Variants in PRR3 observed in about 807,000 individuals in gnomAD.
The protein encoded by PRR3 is proline-rich protein 3.
A neutral mutation model predicts 22.4 loss-of-function variants in PRR3; 16 were observed. The ratio of observed to expected loss-of-function variants is 0.71; its 90% CI spans 0.48 to 1.09. The LOEUF is 1.09. Ranked by LOEUF, PRR3 falls within the 50% of genes least tolerant of loss-of-function variation. PRR3 has a pLI of 0.00. For synonymous variants in PRR3, 87 were observed against 88.6 expected, an observed-to-expected ratio of 0.98 and a Z score of 0.10; for missense variants, 224 against 243.4, an observed-to-expected ratio of 0.92 and a Z score of 0.53.
rs1800641242 is a variant in PRR3, at chr6:30,561,739, GTTC to G, written c.170-91_170-89del. On this transcript the variant is annotated intron_variant, in intron 2 of 3. Coordinates refer to ENST00000376560, the MANE Select transcript of PRR3 (RefSeq NM_025263.4). The surrounding 1 kb of genome is among the most constrained non-coding windows in gnomAD (Gnocchi z 4.0). The stretch of plus-strand genomic sequence containing the variant: ...AAACTGGTGTGTCTTTATGTATGCT[GTTC>G]TTCAATAAAAAAAATTTTTTTAATC... 1 of 1,173,352 alleles carries G rather than the reference GTTC, an allele frequency of 8.5e-7. No individual in the cohort carries two copies. The highest frequency in any genetic ancestry group is 1.2e-6 in the Non-Finnish European group (1 of 856,006). The allele number at this position is 1,173,352 out of a possible 1,614,324, so 72.7% of individuals were successfully genotyped here.
In PRR3 at chr6:30,561,747, A is replaced by C; in HGVS notation, c.170-87A>C. 2 of 1,317,226 alleles carry C rather than the reference A, an allele frequency of 1.5e-6. No individual in the cohort carries two copies. The highest frequency in any genetic ancestry group is 2.0e-6 in the Non-Finnish European group (2 of 984,788). The allele number at this position is 1,317,226 out of a possible 1,614,324, so 81.6% of individuals were successfully genotyped here. A position where few individuals can be genotyped will look rare whatever the true frequency, so the allele number is the denominator to read the frequency against. ...GTGTCTTTATGTATGCTGTTCTTCA[A>C]TAAAAAAAATTTTTTTAATCACGGT... On this transcript the variant is annotated intron_variant, in intron 2 of 3. Coordinates refer to ENST00000376560, the MANE Select transcript of PRR3 (RefSeq NM_025263.4). This position sits in a 1 kb window ranked among gnomAD's most constrained non-coding sequence, Gnocchi z 4.0.
At chr6:30,558,334 A>T in intron 2 of PRR3, 122 bp downstream of exon 2, 1 of 768,600 alleles carries the variant, frequency 1.3e-6, no homozygotes, top group Non-Finnish European at 2.2e-6. Flanking sequence ...ATGAATGGAG[A>T]GAAGTTGTAT....
In PRR3 at chr6:30,561,890, C is replaced by T; in HGVS notation, c.226C>T (p.Leu76Phe). 1 of 1,606,306 alleles carries T rather than the reference C, an allele frequency of 6.2e-7. No individual in the cohort carries two copies. The highest frequency in any genetic ancestry group is 8.5e-7 in the Non-Finnish European group (1 of 1,176,866). ...RGPLIPPLLS[L>F]PPPPWGRGPI... ...ACCACTGATTCCACCACTGCTGAGT[C>T]TCCCACCTCCTCCTTGGGGTAGAGG... The change falls in exon 3 of 4, where the codon CTC becomes TTC. Residue 76 changes from leucine (L) to phenylalanine (F), a missense_variant. Coordinates refer to ENST00000376560, the MANE Select transcript of PRR3 (RefSeq NM_025263.4). This position sits in a 1 kb window ranked among gnomAD's most constrained non-coding sequence, Gnocchi z 4.0.
In PRR3 at chr6:30,557,420, A is replaced by G. The variant is rs1159787113; in HGVS notation, c.76A>G (p.Thr26Ala). The change falls in exon 1 of 4, where the codon ACT (threonine) becomes GCT (alanine). Residue 26 changes from threonine to alanine, a missense_variant. Transcript: ENST00000376560. ...QQPPLPEREETGDEEDGSPIG... is the reference protein window; with the variant it reads ...QQPPLPEREEAGDEEDGSPIG... ...GCCCCCGCTGCCCGAGCGGGAAGAG[A>G]CTGGAGATGAGGAGGATGGGAGTCC... 2 of 1,612,016 alleles carry G rather than the reference A, an allele frequency of 1.2e-6. No homozygotes were observed. The highest frequency in any genetic ancestry group is 1.6e-4 in the Middle Eastern group (1 of 6,084).
rs1409858513 is a variant in PRR3, at chr6:30,561,430, C to T, written c.170-404C>T. The T allele has an allele frequency of 8.2e-6, 4 of 485,192 alleles. No homozygotes were observed. In the East Asian group the frequency reaches 2.4e-4, roughly 29 times the overall value. The allele number at this position is 485,192 out of a possible 1,614,324, so 30.1% of individuals were successfully genotyped here. A position where few individuals can be genotyped will look rare whatever the true frequency, so the allele number is the denominator to read the frequency against. On this transcript the variant is annotated intron_variant, in intron 2 of 3. Coordinates refer to ENST00000376560, the MANE Select transcript of PRR3 (RefSeq NM_025263.4). This position sits in a 1 kb window ranked among gnomAD's most constrained non-coding sequence, Gnocchi z 4.0. ...CTACACTGCAACGAAAATGAATGAA[C>T]TGCTGCTACAGGCAACCTGGATGAA...
rs1800748247 is a variant in PRR3 at position 30,563,029 on chromosome 6, A to G, written c.*534A>G. 6.6e-6 allele frequency: 1 copy of G among 151,646 alleles called. No homozygotes were observed. Among genetic ancestry groups the G allele is most frequent in the Non-Finnish European group, 1.5e-5 (1 of 67,998 alleles). 9.4% of individuals were successfully genotyped at this position (151,646 alleles called of 1,614,324 possible). ...GTGCAGAGTTACTTCCTAAAAGGCC[A>G]CTCTCCCTGCCTTTGGATTTCATAG... On this transcript the variant is annotated 3_prime_UTR_variant, in exon 4 of 4. Transcript: ENST00000376560.
chr6:30,559,076 G>A (rs1020099141), intron 2 of PRR3, among the ~76,000 whole-genome samples: 4 of 152,286 alleles, frequency 2.6e-5, no homozygotes, highest in Admixed American at 1.3e-4. Context: ...ATTGAACTCC[G>A]TTAGAAAATA....
rs148551229 is a variant in PRR3, at chr6:30,559,612, A to C, written c.169+1400A>C. On this transcript the variant is annotated intron_variant, in intron 2 of 3. Transcript: ENST00000376560. ...AAATGAACAAGTACTCAATATCATT[A>C]ATTGTCAAGTAAATGCAAGATAAAA... Among the ~76,000 whole-genome samples the C allele has an allele frequency of 4.3e-3, 654 of 152,314 alleles. 5 individuals carry two copies. The highest frequency in any genetic ancestry group is 0.015 in the African/African-American group (638 of 41,562).
At position 30,558,165 on chromosome 6, in the gene PRR3, T is replaced by G. The variant is rs1800384975; in HGVS notation, c.122T>G (p.Leu41Arg). The change falls in exon 2 of 4, where the codon CTG becomes CGG. Residue 41 changes from leucine (L) to arginine (R), a missense_variant. Coordinates refer to ENST00000376560, the MANE Select transcript of PRR3 (RefSeq NM_025263.4). Reference sequence around the variant, plus strand: ...CTGCTCTTAGGACCACCCAGCCTTCTGGGCCCTCCCCCCATGGCCAATGGA... The same window carrying G: ...CTGCTCTTAGGACCACCCAGCCTTCGGGGCCCTCCCCCCATGGCCAATGGA... ...DGSPIGPPSL[L>R]GPPPMANGKP... The G allele has an allele frequency of 3.7e-6, 6 of 1,612,936 alleles. No homozygotes were observed. The South Asian group carries it at 6.6e-5, about 18-fold the overall frequency.
At chr6:30,558,359 A>T in intron 2 of PRR3, 147 bp downstream of exon 2, 1 of 657,522 alleles carries the variant, frequency 1.5e-6, no homozygotes, top group Non-Finnish European at 2.7e-6. Flanking sequence ...GCTGATTTAA[A>T]AACTCAATGT....
At position 30,562,102 on chromosome 6, in the gene PRR3, G is replaced by A; in HGVS notation, c.438G>A (p.Lys146=). The change falls in exon 3 of 4, where the codon AAG becomes AAA. Residue 146 remains lysine, a synonymous_variant. Coordinates refer to ENST00000376560, the MANE Select transcript of PRR3 (RefSeq NM_025263.4). ...TTATCAAGAATACCTGCCCGCCCAA[G>A]GATGACCCCCAGGTTATGGAAGGTG... is the stretch of plus-strand genomic sequence containing the variant. ...WSLIKNTCPP[K]DDPQVMEDKS... is the part of the protein sequence containing the mutation. 1 of 1,597,832 alleles carries A rather than the reference G, an allele frequency of 6.3e-7. No homozygotes were observed. Among genetic ancestry groups the A allele is most frequent in the Admixed American group, 1.7e-5 (1 of 58,234 alleles).
At chr6:30,558,737 A>G (rs188359106) in intron 2 of PRR3, among the ~76,000 whole-genome samples, 1 of 152,378 alleles carries the variant, frequency 6.6e-6, no homozygotes, top group Admixed American at 6.5e-5. Flanking sequence ...AATGATAGAC[A>G]TAAGTCAATA....
chr6:30,557,745 G>A (rs1220625233), intron 1 of PRR3, among the ~76,000 whole-genome samples: 1 of 152,244 alleles, frequency 6.6e-6, no homozygotes, highest in Non-Finnish European at 1.5e-5. Flanking sequence ...AGATGTTGCA[G>A]ATTGCGATGA....
rs79542230 is a variant in PRR3 at position 30,562,388 on chromosome 6, G to C, written c.461-1G>C. ...ACTGTTCCATTTTCACTTGTTCACA[G>C]ACAAATCCGACCGCCCTGTCTGCCG... is the stretch of plus-strand genomic sequence containing the variant. On this transcript the variant is annotated splice_acceptor_variant, in intron 3 of 3. Transcript: ENST00000376560. LOFTEE classifies it high-confidence loss of function. 1.2e-6 allele frequency: 2 copies of C among 1,612,128 alleles called. No individual in the cohort carries two copies. Among genetic ancestry groups the C allele is most frequent in the African/African-American group, 2.7e-5 (2 of 74,844 alleles).
At chr6:30,556,889 C>G (rs528240680), upstream of PRR3, 8 of 600,198 alleles carry the variant, frequency 1.3e-5, 1 homozygote, top group Middle Eastern at 4.4e-4. The surrounding 1 kb of genome is among the most constrained non-coding windows in gnomAD (Gnocchi z 5.7). Context: ...GAAGGGAAAC[C>G]CAAGCGGGAC....
intron 2 of PRR3, chr6:30,558,433 CATA>C: frequency 1.8e-6 from 1 of 557,230 alleles, no homozygotes; most frequent in South Asian, 2.4e-5. Context: ...TCAGAACACC[CATA>C]ATGTTTTTGT....
chr6:30,562,657 G>GCAACACCACTC lies in PRR3; in HGVS notation c.*162_*163insCAACACCACTC. On this transcript the variant is annotated 3_prime_UTR_variant, in exon 4 of 4. Transcript: ENST00000376560. ...TCCCCCGTGTGGGGTCCAGAGTGGT[G>GCAACACCACTC]TTGCATCACTGGTGCGCGGCATACG... 1.7e-6 allele frequency: 1 copy of GCAACACCACTC among 583,428 alleles called. No homozygotes were observed. Among genetic ancestry groups the GCAACACCACTC allele is most frequent in the Non-Finnish European group, 3.0e-6 (1 of 329,322 alleles). The allele number at this position is 583,428 out of a possible 1,614,324, so 36.1% of individuals were successfully genotyped here. A position where few individuals can be genotyped will look rare whatever the true frequency, so the allele number is the denominator to read the frequency against.
chr6:30,556,879 G>A, upstream of PRR3: 1 of 597,534 alleles, frequency 1.7e-6, no homozygotes, highest in South Asian at 2.0e-5. This position sits in a 1 kb window ranked among gnomAD's most constrained non-coding sequence, Gnocchi z 5.7. Flanking sequence ...AAGCGGGCGA[G>A]AAGGGAAACC....
Position 30,561,890 on chromosome 6 carries a change from C to G in PRR3, c.226C>G (p.Leu76Val). The G allele has an allele frequency of 6.2e-7, 1 of 1,606,306 alleles. No homozygotes were observed. Residue 76 changes from leucine (L) to valine (V), a missense_variant, in exon 3 of 4, where the codon CTC (leucine) becomes GTC (valine). Leu to Val is a conservative substitution (Grantham distance 32). Coordinates refer to ENST00000376560, the MANE Select transcript of PRR3 (RefSeq NM_025263.4). This position sits in a 1 kb window ranked among gnomAD's most constrained non-coding sequence, Gnocchi z 4.0. ...RGPLIPPLLS[L>V]PPPPWGRGPI... ...ACCACTGATTCCACCACTGCTGAGTCTCCCACCTCCTCCTTGGGGTAGAGG... is the reference window on the plus strand; with the variant it reads ...ACCACTGATTCCACCACTGCTGAGTGTCCCACCTCCTCCTTGGGGTAGAGG...
Sources: gnomAD v4.1 joint callset for allele counts (sites outside exome capture counted in the v4.1 genomes callset) on GRCh38, gnomAD v4.1.1 for gene constraint, Gnocchi (gnomAD v3.1) non-coding constraint, MANE v1.5 for transcripts, NCBI Gene and HGNC (gene_info 2026-07-23, HGNC 2026-07-21) for gene names.